Variants in ZMYND11 observed in about 807,000 individuals in gnomAD.
The protein encoded by ZMYND11 is zinc finger MYND-type containing 11.
ZMYND11 carries 9 observed loss-of-function variants against 84.9 expected under a neutral mutation model. The observed-to-expected ratio is 0.11, with a 90% CI of 0.06 to 0.18. ZMYND11 has a LOEUF of 0.18. Among genes scored for constraint, ZMYND11 ranks in the 10% least tolerant of loss-of-function variants. The pLI, the probability that ZMYND11 is intolerant of heterozygous loss-of-function variation, is 1.00. For missense variants in ZMYND11, 409 were observed against 761.0 expected, an observed-to-expected ratio of 0.54 and a Z score of 5.44; for synonymous variants, 250 against 244.1, an observed-to-expected ratio of 1.02 and a Z score of -0.23.
intron 1 of ZMYND11, among the ~76,000 whole-genome samples, chr10:153,845 T>C (rs1194751583): frequency 6.6e-6 from 1 of 152,238 alleles, no homozygotes; most frequent in Non-Finnish European, 1.5e-5. Context: ...CCATTCCCTG[T>C]GTAACCTTTA....
chr10:152,411 C>T (rs542841365), intron 1 of ZMYND11, among the ~76,000 whole-genome samples: 2 of 152,254 alleles, frequency 1.3e-5, no homozygotes, highest in African/African-American at 4.8e-5. Flanking sequence ...GCAGGGGTTG[C>T]AATCCTAGTC....
chr10:145,997 A>T (rs1838739666), intron 1 of ZMYND11, among the ~76,000 whole-genome samples: 1 of 152,054 alleles, frequency 6.6e-6, no homozygotes, highest in Admixed American at 6.6e-5. Context: ...TTCTTCTAGA[A>T]TTTTTATGGT....
chr10:250,371 C>T (rs1174683002), intron 14 of ZMYND11, among the ~76,000 whole-genome samples: 2 of 152,138 alleles, frequency 1.3e-5, no homozygotes, highest in Non-Finnish European at 1.5e-5. Context: ...GGCTCATGCC[C>T]GTAGTCCCAG....
At chr10:171,243 C>G (rs1554765603) in intron 1 of ZMYND11, among the ~76,000 whole-genome samples, 2 of 152,102 alleles carry the variant, frequency 1.3e-5, no homozygotes, top group African/African-American at 2.4e-5. Flanking sequence ...CAATATGCCT[C>G]TAGCAAAAAT....
intron 2 of ZMYND11, among the ~76,000 whole-genome samples, chr10:188,162 A>G (rs1939268758): frequency 6.6e-6 from 1 of 152,164 alleles, no homozygotes; most frequent in African/African-American, 2.4e-5. Context: ...AATATTAAAT[A>G]TTTATAAAAT....
intron 1 of ZMYND11, among the ~76,000 whole-genome samples, chr10:154,219 A>G (rs782078734): frequency 7.2e-5 from 11 of 152,196 alleles, no homozygotes; most frequent in African/African-American, 2.7e-4. Context: ...ATATTGTTGA[A>G]TCATTGACAT....
chr10:147,600 A>C (rs1446584069), intron 1 of ZMYND11, among the ~76,000 whole-genome samples: 1 of 150,830 alleles, frequency 6.6e-6, no homozygotes, highest in Non-Finnish European at 1.5e-5. Flanking sequence ...ATTCTCTTTC[A>C]AGAATCAGAT....
At chr10:241,933 GATTAT>G (rs1187182901) in intron 9 of ZMYND11, 83 bp from the exon 10 acceptor site, 56 of 1,455,018 alleles carry the variant, frequency 3.8e-5, no homozygotes, top group South Asian at 2.5e-4. Flanking sequence ...AGAAATAATG[GATTAT>G]ATGTGACTAG....
intron 1 of ZMYND11, among the ~76,000 whole-genome samples, chr10:158,536 C>T (rs992330437): frequency 2.0e-5 from 3 of 151,402 alleles, no homozygotes; most frequent in African/African-American, 4.9e-5. Flanking sequence ...TTGACTTCAG[C>T]CTCCTGAGTA....
intron 2 of ZMYND11, among the ~76,000 whole-genome samples, chr10:180,554 C>T (rs1847650877): frequency 6.6e-6 from 1 of 152,300 alleles, no homozygotes; most frequent in East Asian, 1.9e-4. Flanking sequence ...CACCCGCCAC[C>T]ACGCCCAGCT....
Position 248,926 on chromosome 10 carries a change from A to G in ZMYND11, c.1524A>G (p.Glu508=), listed in dbSNP as rs752289941. 2.5e-6 allele frequency: 4 copies of G among 1,613,408 alleles called. No homozygotes were observed. The Admixed American group carries it at 6.7e-5, about 27-fold the overall frequency. ...AGCTGCGTTCTGAAATGGAAGAAGA[A>G]AAGAGACAAGCTGTAAATAAAGCTG... The part of the protein sequence containing the change: ...LEKLRSEMEE[E]KRQAVNKAVA... Residue 508 remains glutamate, a synonymous_variant, in exon 14 of 15, where the codon GAA becomes GAG. Transcript: ENST00000381604.
At chr10:149,371 C>T (rs555789605) in intron 1 of ZMYND11, among the ~76,000 whole-genome samples, 5 of 151,024 alleles carry the variant, frequency 3.3e-5, no homozygotes, top group Non-Finnish European at 5.9e-5. Flanking sequence ...AGTGCAGTGG[C>T]GCGATCTTGG....
At chr10:220,748 A>G (rs913453112) in intron 3 of ZMYND11, among the ~76,000 whole-genome samples, 2 of 149,750 alleles carry the variant, frequency 1.3e-5, no homozygotes, top group Non-Finnish European at 3.0e-5. Flanking sequence ...ATCACCAGTT[A>G]TTACTATTCT....
At chr10:250,222 C>T (rs753983205) in intron 14 of ZMYND11, among the ~76,000 whole-genome samples, 24 of 152,242 alleles carry the variant, frequency 1.6e-4, no homozygotes, top group Non-Finnish European at 2.8e-4. Context: ...GCTTCTCCCC[C>T]CAGCTTCTCA....
At chr10:142,304 G>A (rs889260522) in intron 1 of ZMYND11, among the ~76,000 whole-genome samples, 2 of 152,078 alleles carry the variant, frequency 1.3e-5, no homozygotes, top group Non-Finnish European at 1.5e-5. Context: ...TGTTACCCAC[G>A]CTGGTCCCAA....
At chr10:167,549 G>GT (rs1180755616) in intron 1 of ZMYND11, among the ~76,000 whole-genome samples, 1 of 152,120 alleles carries the variant, frequency 6.6e-6, no homozygotes, top group Non-Finnish European at 1.5e-5. Flanking sequence ...TGATCAATGT[G>GT]TTACATAGCA....
chr10:238,063 C>T (rs539895638), intron 6 of ZMYND11, among the ~76,000 whole-genome samples: 1 of 152,278 alleles, frequency 6.6e-6, no homozygotes, highest in East Asian at 1.9e-4. Context: ...AAGCATAGAA[C>T]TGATCTGCCG....
intron 1 of ZMYND11, among the ~76,000 whole-genome samples, chr10:136,416 C>T (rs956124193): frequency 3.3e-5 from 5 of 152,126 alleles, no homozygotes; most frequent in Non-Finnish European, 5.9e-5. Context: ...GTGTCCTATG[C>T]GGTGGGTACG....
intron 2 of ZMYND11, among the ~76,000 whole-genome samples, chr10:189,147 C>A (rs1165694321): frequency 6.6e-6 from 1 of 152,196 alleles, no homozygotes; most frequent in Middle Eastern, 3.2e-3. Flanking sequence ...CCTCTTGTGA[C>A]ATGTTTGGCA....
Sources: allele counts gnomAD v4.1 joint callset (sites outside exome capture counted in the v4.1 genomes callset), GRCh38; gene constraint gnomAD v4.1.1; transcripts MANE v1.5; gene names NCBI Gene and HGNC (gene_info 2026-07-23, HGNC 2026-07-21).